The following CHID1 variants were observed in gnomAD, a reference collection of about 807,000 sequenced individuals.
The protein encoded by CHID1 is chitinase domain-containing protein 1.
In CHID1, 44 loss-of-function variants were observed where a neutral mutation model predicts 55.4. The observed-to-expected ratio is 0.79, with a 90% confidence interval of 0.62 to 1.02. CHID1 has a LOEUF of 1.02. Among genes scored for constraint, CHID1 ranks in the 50% least tolerant of loss-of-function variants. The pLI, the probability that CHID1 is intolerant of heterozygous loss-of-function variation, is 0.00. For missense variants in CHID1, 491 were observed against 515.3 expected (o/e 0.95, Z 0.46); for synonymous variants, 216 against 212.9 (o/e 1.01, Z -0.13).
At position 870,122 on chromosome 11, in the gene CHID1, T is replaced by G; in HGVS notation, c.1082A>C (p.Lys361Thr). The G allele has an allele frequency of 6.2e-7, 1 of 1,612,924 alleles. No homozygotes were observed. Among genetic ancestry groups the G allele is most frequent in the Non-Finnish European group, 8.5e-7 (1 of 1,179,936 alleles). Residue 361 changes from lysine to threonine, a missense_variant and splice_region_variant, in exon 12 of 13, where the codon AAG becomes ACG. Coordinates refer to ENST00000323578, the MANE Select transcript of CHID1 (RefSeq NM_023947.4). The stretch of plus-strand genomic sequence containing the variant: ...TCCCACGGCTGGCAGCACACGCACC[T>G]TCAGGGTTGGGTAGAAGACGACGTG... ...GRHVVFYPTL[K>T]SLQVRLELAR... is the part of the protein sequence containing the mutation.
chr11:898,290 G>T (rs754170845), intron 7 of CHID1, among the ~76,000 whole-genome samples: 1 of 152,092 alleles, frequency 6.6e-6, no homozygotes, highest in African/African-American at 2.4e-5. Flanking sequence ...TGCTGCAGGG[G>T]ACACCATGCA....
At chr11:889,654 G>A (rs1358727610) in intron 8 of CHID1, among the ~76,000 whole-genome samples, 2 of 152,114 alleles carry the variant, frequency 1.3e-5, no homozygotes, top group Non-Finnish European at 2.9e-5. Context: ...CAGCCACACC[G>A]CCTGGCCCTA....
At chr11:886,152 A>C (rs1323949512) in intron 8 of CHID1, among the ~76,000 whole-genome samples, 5 of 81,954 alleles carry the variant, frequency 6.1e-5, no homozygotes, top group Admixed American at 4.0e-4. Flanking sequence ...CTCCGTCTCA[A>C]AAAAAGAAAA....
chr11:906,115 A>G (rs1852193090), intron 1 of CHID1, among the ~76,000 whole-genome samples: 2 of 152,094 alleles, frequency 1.3e-5, no homozygotes, highest in Admixed American at 1.3e-4. Flanking sequence ...TTGTATTTTA[A>G]TAGAGATGAG....
At chr11:906,896 C>T (rs147862429) in intron 1 of CHID1, among the ~76,000 whole-genome samples, 5,147 of 152,068 alleles carry the variant, frequency 0.034, 132 homozygotes, top group South Asian at 0.058. Flanking sequence ...GGCGTGCTGG[C>T]GCATGCCTGT....
At chr11:880,539 A>G (rs1010011027) in intron 10 of CHID1, among the ~76,000 whole-genome samples, 3 of 152,236 alleles carry the variant, frequency 2.0e-5, no homozygotes, top group African/African-American at 7.2e-5. Flanking sequence ...GCCATCTGCC[A>G]TGGAGGGGCT....
intron 4 of CHID1, among the ~76,000 whole-genome samples, chr11:901,745 C>T (rs925018453): frequency 1.3e-5 from 2 of 152,160 alleles, no homozygotes; most frequent in South Asian, 2.1e-4. Flanking sequence ...CAGACCTGGG[C>T]GGAACACTCT....
At chr11:905,076 C>T (rs1490664755) in intron 1 of CHID1, among the ~76,000 whole-genome samples, 2 of 152,210 alleles carry the variant, frequency 1.3e-5, no homozygotes, top group Admixed American at 6.5e-5. Context: ...GCCACTGGTT[C>T]CTCCTAGATA....
chr11:882,127 C>A (rs1850002788), intron 10 of CHID1, among the ~76,000 whole-genome samples: 1 of 152,102 alleles, frequency 6.6e-6, no homozygotes, highest in African/African-American at 2.4e-5. Context: ...GAGATCGAGA[C>A]CATCCTGGCT....
At chr11:898,954 C>T (rs758120226) in intron 7 of CHID1, among the ~76,000 whole-genome samples, 6 of 152,216 alleles carry the variant, frequency 3.9e-5, no homozygotes, top group Non-Finnish European at 7.4e-5. Flanking sequence ...GAAGGCTCCC[C>T]GAAGCTCAGT....
chr11:876,452 C>T (rs868135335), intron 10 of CHID1, among the ~76,000 whole-genome samples: 2 of 152,178 alleles, frequency 1.3e-5, no homozygotes, highest in South Asian at 2.1e-4. Context: ...GCTGCGAACA[C>T]GGCCCCTCCA....
Position 889,405 on chromosome 11 carries a change from G to A in CHID1, c.701+4022C>T, listed in dbSNP as rs552783202. On this transcript the variant is annotated intron_variant, in intron 8 of 12. Coordinates refer to ENST00000323578, the MANE Select transcript of CHID1 (RefSeq NM_023947.4). ...TCACTGTAGTTGACGCCAGGCAAAAGGAACGTCGGCTCCACGTCAACCCCT... is the reference window on the plus strand; with the variant it reads ...TCACTGTAGTTGACGCCAGGCAAAAAGAACGTCGGCTCCACGTCAACCCCT... Among the ~76,000 whole-genome samples the A allele has an allele frequency of 2.0e-5, 3 of 152,252 alleles. No homozygotes were observed. The South Asian group carries it at 6.2e-4, about 32-fold the overall frequency.
chr11:881,015 C>T (rs918688459), intron 10 of CHID1, among the ~76,000 whole-genome samples: 1 of 152,180 alleles, frequency 6.6e-6, no homozygotes, highest in Non-Finnish European at 1.5e-5. Flanking sequence ...GGAAAAGCAG[C>T]CTCCTGAAAC....
chr11:895,800 G>A (rs1167561861), intron 7 of CHID1, among the ~76,000 whole-genome samples: 1 of 152,096 alleles, frequency 6.6e-6, no homozygotes, highest in Non-Finnish European at 1.5e-5. Flanking sequence ...CAGCTCCCAG[G>A]CAGCAGAATG....
intron 10 of CHID1, among the ~76,000 whole-genome samples, chr11:878,819 A>G (rs1468447519): frequency 6.6e-6 from 1 of 151,642 alleles, no homozygotes; most frequent in Non-Finnish European, 1.5e-5. Flanking sequence ...CTCCTGTCTC[A>G]GCCTCCCGAG....
chr11:883,972 G>T (rs1417832948), intron 9 of CHID1, 96 bp downstream of exon 9: 7 of 950,348 alleles, frequency 7.4e-6, no homozygotes, highest in Non-Finnish European at 1.0e-5. Flanking sequence ...CCACAGGCAA[G>T]AGGGCATCAG....
chr11:910,975 C>G (rs1589920745), upstream of CHID1: 2 of 233,870 alleles, frequency 8.6e-6, no homozygotes, highest in African/African-American at 2.4e-5. Flanking sequence ...GGCGGGGCCG[C>G]GCCGGGGGCG....
chr11:894,763 G>A (rs536096183), intron 7 of CHID1, among the ~76,000 whole-genome samples: 2 of 152,282 alleles, frequency 1.3e-5, no homozygotes, highest in African/African-American at 4.8e-5. Flanking sequence ...ACGAGGTGAC[G>A]GTTCCTCAGC....
intron 4 of CHID1, among the ~76,000 whole-genome samples, chr11:901,226 C>T (rs910851819): frequency 5.9e-5 from 9 of 152,130 alleles, no homozygotes; most frequent in Non-Finnish European, 1.0e-4. Flanking sequence ...TCTGAGCTTA[C>T]CCTCCCTGAG....
Sources: gnomAD v4.1 joint callset for allele counts (sites outside exome capture counted in the v4.1 genomes callset) on GRCh38, gnomAD v4.1.1 for gene constraint, MANE v1.5 for transcripts, NCBI Gene and HGNC (gene_info 2026-07-23, HGNC 2026-07-21) for gene names.